The following DNAH14 variants were observed in gnomAD, a reference collection of about 807,000 sequenced individuals.
The protein encoded by DNAH14 is dynein axonemal heavy chain 14.
A neutral mutation model predicts 520.9 loss-of-function variants in DNAH14; 478 were observed. The ratio of observed to expected loss-of-function variants is 0.92; its 90% CI spans 0.85 to 0.99. The LOEUF (loss-of-function observed/expected upper bound fraction) is 0.99, where lower values mean the gene tolerates loss of function less well. DNAH14 is among the 50% of genes least tolerant of loss of function. DNAH14 has a pLI of 0.00. For missense variants in DNAH14, 4,831 were observed against 5,234.5 expected (o/e 0.92, Z 2.38); for synonymous variants, 1,581 against 1,757.2 (o/e 0.90, Z 2.51).
chr1:225,354,813 T>C (rs2095412221), intron 73 of DNAH14, among the ~76,000 whole-genome samples: 1 of 152,188 alleles, frequency 6.6e-6, no homozygotes, highest in Non-Finnish European at 1.5e-5. Context: ...CTTCATTTCC[T>C]GAAATTCTTG....
chr1:225,068,145 CA>C (rs987230744), intron 17 of DNAH14, among the ~76,000 whole-genome samples: 1 of 152,100 alleles, frequency 6.6e-6, no homozygotes, highest in Non-Finnish European at 1.5e-5. Flanking sequence ...GGAAGGGGTT[CA>C]ATTTCAATCT....
intron 8 of DNAH14, among the ~76,000 whole-genome samples, chr1:224,993,729 G>A (rs907537960): frequency 1.3e-5 from 2 of 151,476 alleles, no homozygotes; most frequent in Non-Finnish European, 3.0e-5. Context: ...GCTAATTTTG[G>A]CTTAGTTTGT....
chr1:225,072,688 G>A (rs971991572), intron 17 of DNAH14, among the ~76,000 whole-genome samples: 2 of 152,184 alleles, frequency 1.3e-5, no homozygotes, highest in Admixed American at 1.3e-4. Flanking sequence ...TCTACATTCA[G>A]TTTTTGAGGT....
At chr1:225,060,076 C>T (rs2069806474) in intron 17 of DNAH14, among the ~76,000 whole-genome samples, 2 of 152,056 alleles carry the variant, frequency 1.3e-5, no homozygotes, top group South Asian at 4.1e-4. Context: ...GTTGGCCTGC[C>T]TTGCTAGATT....
At chr1:225,338,976 T>C (rs2095120421) in intron 68 of DNAH14, among the ~76,000 whole-genome samples, 1 of 152,022 alleles carries the variant, frequency 6.6e-6, no homozygotes, top group Non-Finnish European at 1.5e-5. Context: ...CTGCAGAGTC[T>C]CTCATCAAAT....
At chr1:225,285,866 G>A (rs6679204) in intron 54 of DNAH14, among the ~76,000 whole-genome samples, 34,042 of 152,046 alleles carry the variant, frequency 0.22, 4,117 homozygotes, top group East Asian at 0.34. Flanking sequence ...CAAAAAAATA[G>A]AAATAAATGA....
intron 55 of DNAH14, among the ~76,000 whole-genome samples, chr1:225,291,544 G>A (rs1395775770): frequency 3.3e-5 from 5 of 152,066 alleles, no homozygotes; most frequent in Admixed American, 6.6e-5. Flanking sequence ...AGCCTCCCAA[G>A]TAGCTGAGAC....
intron 72 of DNAH14, among the ~76,000 whole-genome samples, chr1:225,352,145 G>C (rs1000327087): frequency 2.0e-5 from 3 of 151,996 alleles, no homozygotes; most frequent in Non-Finnish European, 4.4e-5. Context: ...ATTACACCAG[G>C]CTAGTTTTGA....
chr1:225,188,839 A>G (rs2085063655), intron 37 of DNAH14, among the ~76,000 whole-genome samples: 1 of 151,850 alleles, frequency 6.6e-6, no homozygotes, highest in African/African-American at 2.4e-5. Context: ...TTCCATTTTT[A>G]TATCTTTGAT....
intron 31 of DNAH14, 168 bp from the exon 32 acceptor site, chr1:225,151,837 T>G: frequency 1.4e-6 from 1 of 716,248 alleles, no homozygotes; most frequent in South Asian, 1.5e-5. Context: ...TGGCTCAGCA[T>G]GAGCCTCCTA....
intron 8 of DNAH14, among the ~76,000 whole-genome samples, chr1:224,985,656 A>C (rs917958140): frequency 6.6e-6 from 1 of 152,182 alleles, no homozygotes; most frequent in African/African-American, 2.4e-5. Context: ...AAGCTCAAAG[A>C]AATTCAAGAT....
chr1:225,187,457 T>C (rs1428338750), intron 37 of DNAH14, among the ~76,000 whole-genome samples: 1 of 151,876 alleles, frequency 6.6e-6, no homozygotes, highest in Non-Finnish European at 1.5e-5. Flanking sequence ...TTGTAAACAT[T>C]TGTGTACAAG....
intron 11 of DNAH14, among the ~76,000 whole-genome samples, chr1:225,029,616 A>G (rs2066385955): frequency 6.6e-6 from 1 of 152,028 alleles, no homozygotes; most frequent in African/African-American, 2.4e-5. Flanking sequence ...TATATTTAAC[A>G]TTACAATAAA....
At chr1:225,252,603 G>A (rs2092596832) in intron 44 of DNAH14, among the ~76,000 whole-genome samples, 186 bp downstream of exon 44, 1 of 152,004 alleles carries the variant, frequency 6.6e-6, no homozygotes, top group African/African-American at 2.4e-5. Flanking sequence ...CATAACCTTT[G>A]AATATTACTT....
chr1:225,200,320 C>T (rs6671178), intron 38 of DNAH14, among the ~76,000 whole-genome samples: 47,849 of 151,926 alleles, frequency 0.31, 8,714 homozygotes, highest in East Asian at 0.61. Context: ...TTTAGGCCAT[C>T]TACATTCAAT....
chr1:225,395,375 C>T (rs1388934596), intron 84 of DNAH14, among the ~76,000 whole-genome samples: 5 of 152,228 alleles, frequency 3.3e-5, no homozygotes, highest in East Asian at 1.9e-4. Context: ...GGGCAGATCA[C>T]GAGGTCAGGA....
At chr1:225,144,991 CAGAG>C (rs139788342) in intron 29 of DNAH14, among the ~76,000 whole-genome samples, 5 of 151,582 alleles carry the variant, frequency 3.3e-5, no homozygotes, top group African/African-American at 7.3e-5. Flanking sequence ...CAGAAAGAGA[CAGAG>C]AGAGAGAAAG....
intron 48 of DNAH14, among the ~76,000 whole-genome samples, chr1:225,265,760 A>C (rs1290330154): frequency 1.3e-5 from 2 of 152,094 alleles, no homozygotes; most frequent in East Asian, 3.9e-4. Context: ...CCTTGATTTT[A>C]AATGAAGACA....
intron 38 of DNAH14, among the ~76,000 whole-genome samples, chr1:225,197,793 C>A (rs1036062220): frequency 6.6e-6 from 1 of 151,960 alleles, no homozygotes; most frequent in Non-Finnish European, 1.5e-5. Flanking sequence ...TATTTTTTTG[C>A]AGCTAGTGTA....
Sources: gnomAD v4.1 joint callset for allele counts (sites outside exome capture counted in the v4.1 genomes callset) on GRCh38, gnomAD v4.1.1 for gene constraint, MANE v1.5 for transcripts, NCBI Gene and HGNC (gene_info 2026-07-23, HGNC 2026-07-21) for gene names.